The following RASGRF2 variants were observed in gnomAD, a reference collection of about 807,000 sequenced individuals.
The protein encoded by RASGRF2 is Ras protein specific guanine nucleotide releasing factor 2, also known as ras-specific guanine nucleotide-releasing factor 2.
Under a neutral mutation model 151.0 loss-of-function variants are expected in RASGRF2, and 76 were observed. The observed-to-expected ratio is 0.50, with a 90% confidence interval of 0.42 to 0.61. The LOEUF (loss-of-function observed/expected upper bound fraction) is 0.61, where lower values mean the gene tolerates loss of function less well. Among genes scored for constraint, RASGRF2 ranks in the 20% least tolerant of loss-of-function variants. The probability of loss-of-function intolerance (pLI) is 0.00; values close to 1 mark genes in which losing one functional copy is unlikely to be tolerated. For synonymous variants in RASGRF2, 504 were observed against 566.5 expected (o/e 0.89, Z 1.57); for missense variants, 1,148 against 1,564.6 (o/e 0.73, Z 4.49).
At chr5:81,022,415 G>A (rs1057169214) in intron 1 of RASGRF2, among the ~76,000 whole-genome samples, 2 of 152,280 alleles carry the variant, frequency 1.3e-5, no homozygotes. Context: ...TTTACAGGAT[G>A]TGGTCCCCAC....
At chr5:81,181,318 G>A (rs1043221667) in intron 18 of RASGRF2, among the ~76,000 whole-genome samples, 3 of 152,078 alleles carry the variant, frequency 2.0e-5, no homozygotes, top group African/African-American at 4.8e-5. Context: ...CTGTGGTAAG[G>A]GAATTTACTA....
At chr5:81,008,009 T>C (rs1749327617) in intron 1 of RASGRF2, among the ~76,000 whole-genome samples, 1 of 152,152 alleles carries the variant, frequency 6.6e-6, no homozygotes, top group Admixed American at 6.5e-5. Flanking sequence ...TCTTCATCTA[T>C]GGTAAACACT....
At position 81,217,296 on chromosome 5, in the gene RASGRF2, G is replaced by C. The variant is rs187841086; in HGVS notation, c.3435-60G>C. 2.6e-6 allele frequency: 4 copies of C among 1,526,542 alleles called. No homozygotes were observed. The East Asian group carries it at 7.0e-5, about 27-fold the overall frequency. The allele number at this position is 1,526,542 out of a possible 1,614,324, so 94.6% of individuals were successfully genotyped here. A position where few individuals can be genotyped will look rare whatever the true frequency, so the allele number is the denominator to read the frequency against. On this transcript the variant is annotated intron_variant, in intron 24 of 26. Transcript: ENST00000265080. ...ACTTTAATCCTCCTTTGTTTAATTTGGGGAGGGAAATAGACATTTATTCAA... is the reference window on the plus strand; with the variant it reads ...ACTTTAATCCTCCTTTGTTTAATTTCGGGAGGGAAATAGACATTTATTCAA...
chr5:81,091,623 CAT>C (rs1177600513), intron 9 of RASGRF2, among the ~76,000 whole-genome samples: 3 of 152,048 alleles, frequency 2.0e-5, no homozygotes, highest in African/African-American at 7.3e-5. Flanking sequence ...TTGCAACATT[CAT>C]ATGTTAATAT....
At chr5:81,163,082 C>T (rs1216296037) in intron 17 of RASGRF2, among the ~76,000 whole-genome samples, 6 of 152,072 alleles carry the variant, frequency 3.9e-5, no homozygotes, top group East Asian at 3.9e-4. Context: ...AGGAAGCTGC[C>T]GCTGCCCCTA....
At chr5:81,085,740 G>A (rs551784971) in intron 7 of RASGRF2, 62 bp from the exon 8 acceptor site, 224 of 1,601,048 alleles carry the variant, frequency 1.4e-4, no homozygotes, top group African/African-American at 6.0e-4. Context: ...ATGGCCCTGC[G>A]GAGCATGTGC....
At chr5:81,017,949 C>CA (rs1425499231) in intron 1 of RASGRF2, among the ~76,000 whole-genome samples, 63 of 151,554 alleles carry the variant, frequency 4.2e-4, no homozygotes, top group African/African-American at 1.4e-3. Context: ...AATATAACAA[C>CA]AACAAAAAAA....
Position 80,995,399 on chromosome 5 carries a change from TACACAC to T in RASGRF2, c.288+34387_288+34392del, listed in dbSNP as rs745608211. Among the ~76,000 whole-genome samples, 632 of 119,764 alleles carry T rather than the reference TACACAC, an allele frequency of 5.3e-3. 1 individual carries two copies. The highest frequency in any genetic ancestry group is 0.016 in the South Asian group (61 of 3,786). 78.6% of individuals were successfully genotyped at this position (119,764 alleles called of 152,430 possible). ...AATTTCATATATATATATATATATA[TACACAC>T]ACACACACACACAGGCAGGCACACA... is the stretch of plus-strand genomic sequence containing the variant. On this transcript the variant is annotated intron_variant, in intron 1 of 26. Coordinates refer to ENST00000265080, the MANE Select transcript of RASGRF2 (RefSeq NM_006909.3).
chr5:81,039,798 A>G (rs1750625358), intron 1 of RASGRF2, among the ~76,000 whole-genome samples: 1 of 152,008 alleles, frequency 6.6e-6, no homozygotes, highest in Non-Finnish European at 1.5e-5. Flanking sequence ...AATTGCTTAT[A>G]TTTTTCCCAC....
At chr5:81,031,641 T>C (rs543304267) in intron 1 of RASGRF2, among the ~76,000 whole-genome samples, 1 of 152,166 alleles carries the variant, frequency 6.6e-6, no homozygotes, top group South Asian at 2.1e-4. Context: ...CTGGGACACA[T>C]TTAAAGCAGT....
At chr5:81,123,551 C>A in intron 15 of RASGRF2, 91 bp from the exon 16 acceptor site, 1 of 1,414,710 alleles carries the variant, frequency 7.1e-7, no homozygotes, top group Non-Finnish European at 9.6e-7. Context: ...TGCTTATTAT[C>A]TGTAATGAAC....
At chr5:81,224,308 C>T (rs1755925495) in intron 26 of RASGRF2, among the ~76,000 whole-genome samples, 2 of 152,182 alleles carry the variant, frequency 1.3e-5, no homozygotes, top group South Asian at 4.1e-4. Flanking sequence ...TCAAACATTG[C>T]TTAGGGTATA....
chr5:81,003,685 A>G (rs1210680796), intron 1 of RASGRF2, among the ~76,000 whole-genome samples: 1 of 152,198 alleles, frequency 6.6e-6, no homozygotes, highest in African/African-American at 2.4e-5. Flanking sequence ...AAATAATGGA[A>G]AAATAAGTTG....
intron 1 of RASGRF2, among the ~76,000 whole-genome samples, chr5:80,966,083 TTGTGTG>T (rs70994407): frequency 3.3e-5 from 5 of 149,724 alleles, no homozygotes; most frequent in African/African-American, 9.8e-5. Context: ...GGATATATGT[TTGTGTG>T]TGTGTGTGTG....
intron 1 of RASGRF2, among the ~76,000 whole-genome samples, chr5:80,988,049 G>GTA (rs1748533081): frequency 1.6e-5 from 2 of 123,510 alleles, no homozygotes; most frequent in Non-Finnish European, 3.3e-5. Flanking sequence ...GTGTGTGTGT[G>GTA]TGTAGTCTTC....
At chr5:80,975,314 T>C (rs987209111) in intron 1 of RASGRF2, among the ~76,000 whole-genome samples, 1 of 147,728 alleles carries the variant, frequency 6.8e-6, no homozygotes, top group Non-Finnish European at 1.5e-5. Flanking sequence ...TTCAAACAGA[T>C]TTTTTTTTTT....
At chr5:81,018,365 TTCTC>T (rs1175352612) in intron 1 of RASGRF2, among the ~76,000 whole-genome samples, 2 of 152,190 alleles carry the variant, frequency 1.3e-5, no homozygotes, top group Admixed American at 6.5e-5. Flanking sequence ...CTCGTCTTAG[TTCTC>T]TCTCTCCCAT....
chr5:81,226,774 A>T lies in RASGRF2; in HGVS notation c.*1004A>T, dbSNP rs1436073595. The T allele has an allele frequency of 6.6e-6, 1 of 152,112 alleles. No individual in the cohort carries two copies. The highest frequency in any genetic ancestry group is 1.5e-5 in the Non-Finnish European group (1 of 68,018). 9.4% of individuals were successfully genotyped at this position (152,112 alleles called of 1,614,324 possible). A position where few individuals can be genotyped will look rare whatever the true frequency, so the allele number is the denominator to read the frequency against. Reference sequence around the variant, plus strand: ...TGAACATTGGCTGTATTTTTTTTAAACAGTTTAGTGAAATTTTCTTTTCAA... The same window carrying T: ...TGAACATTGGCTGTATTTTTTTTAATCAGTTTAGTGAAATTTTCTTTTCAA... On this transcript the variant is annotated 3_prime_UTR_variant, in exon 27 of 27. Transcript: ENST00000265080.
At chr5:81,222,975 A>G (rs1450017475) in intron 26 of RASGRF2, among the ~76,000 whole-genome samples, 3 of 152,246 alleles carry the variant, frequency 2.0e-5, no homozygotes, top group Non-Finnish European at 4.4e-5. Context: ...CACATTGGCA[A>G]TAAGCAATTC....
Sources: gnomAD v4.1 joint callset for allele counts (sites outside exome capture counted in the v4.1 genomes callset) on GRCh38, gnomAD v4.1.1 for gene constraint, MANE v1.5 for transcripts, NCBI Gene and HGNC (gene_info 2026-07-23, HGNC 2026-07-21) for gene names.